Variants in FAM118B observed in about 807,000 individuals in gnomAD.
FAM118B encodes the protein SIR2 antiphage like 1.
FAM118B carries 24 observed loss-of-function variants against 38.5 expected under a neutral mutation model. That is an observed-to-expected ratio of 0.62 (90% CI 0.45 to 0.88). The LOEUF (loss-of-function observed/expected upper bound fraction) is 0.88. FAM118B is among the 40% of genes least tolerant of loss of function. The pLI, the probability that FAM118B is intolerant of heterozygous loss-of-function variation, is 0.00. For missense variants in FAM118B, 334 were observed against 420.0 expected, an observed-to-expected ratio of 0.80 and a Z score of 1.79; for synonymous variants, 138 against 156.3, an observed-to-expected ratio of 0.88 and a Z score of 0.87.
At chr11:126,239,491 A>T (rs1950327477) in intron 3 of FAM118B, among the ~76,000 whole-genome samples, 1 of 151,962 alleles carries the variant, frequency 6.6e-6, no homozygotes, top group Admixed American at 6.6e-5. Context: ...ACTGAAACTC[A>T]TTTTTCATCA....
intron 1 of FAM118B, among the ~76,000 whole-genome samples, chr11:126,221,888 C>T (rs1256293642): frequency 6.6e-6 from 1 of 151,964 alleles, no homozygotes; most frequent in East Asian, 1.9e-4. Flanking sequence ...ATTTATCTCC[C>T]ATAAAGCTTT....
intron 7 of FAM118B, among the ~76,000 whole-genome samples, chr11:126,258,124 A>G (rs1950609472): frequency 6.6e-6 from 1 of 152,206 alleles, no homozygotes; most frequent in Non-Finnish European, 1.5e-5. Flanking sequence ...GCAAAAGTAC[A>G]GGTAATTTGT....
At chr11:126,226,884 C>T (rs1039992819) in intron 1 of FAM118B, among the ~76,000 whole-genome samples, 1 of 149,776 alleles carries the variant, frequency 6.7e-6, no homozygotes, top group African/African-American at 2.5e-5. Context: ...GAGGGAGGAT[C>T]ACCAAGCCTG....
chr11:126,217,321 T>G (rs938340159), intron 1 of FAM118B, among the ~76,000 whole-genome samples: 2 of 152,232 alleles, frequency 1.3e-5, no homozygotes, highest in Non-Finnish European at 2.9e-5. Flanking sequence ...AGATTTGTAT[T>G]TAGCTCTTGC....
At chr11:126,260,589 C>G (rs980379171) in intron 7 of FAM118B, 17 of 152,098 alleles carry the variant, frequency 1.1e-4, no homozygotes, top group Non-Finnish European at 7.3e-5. Flanking sequence ...GTGAAAATAA[C>G]ATCTGTATCT....
chr11:126,237,542 T>A (rs1950292722), intron 3 of FAM118B, among the ~76,000 whole-genome samples: 1 of 141,566 alleles, frequency 7.1e-6, no homozygotes, highest in Non-Finnish European at 1.5e-5. Context: ...CTGGCCAATT[T>A]TAAAAAAATC....
intron 1 of FAM118B, among the ~76,000 whole-genome samples, chr11:126,214,992 T>C (rs193162389): frequency 6.6e-6 from 1 of 152,314 alleles, no homozygotes. Flanking sequence ...TTCCATTTCC[T>C]TGAAGAGCAG....
chr11:126,259,894 G>T (rs1035694621), intron 7 of FAM118B, among the ~76,000 whole-genome samples: 9 of 150,002 alleles, frequency 6.0e-5, no homozygotes, highest in African/African-American at 2.2e-4. Flanking sequence ...CTAATTTTTT[G>T]TATTTTTAGT....
At chr11:126,231,948 T>A (rs537270569) in intron 2 of FAM118B, among the ~76,000 whole-genome samples, 2 of 152,290 alleles carry the variant, frequency 1.3e-5, no homozygotes, top group East Asian at 3.9e-4. Context: ...ATCAATGGAG[T>A]ACCTAGTTAA....
At chr11:126,227,477 A>G (rs1362143708) in intron 1 of FAM118B, among the ~76,000 whole-genome samples, 2 of 152,196 alleles carry the variant, frequency 1.3e-5, no homozygotes, top group African/African-American at 4.8e-5. Context: ...ATCTGTCTAA[A>G]ATGTTGTACA....
rs1424907554 is a variant in FAM118B, at chr11:126,254,396, C to T, written c.659C>T (p.Ala220Val). The change falls in exon 6 of 9, where the codon GCT becomes GTT. Residue 220 changes from alanine to valine, a missense_variant. Physicochemically the swap from Ala to Val is moderately conservative, Grantham distance 64. This residue lies in a region of FAM118B where 240 missense variants were observed against 295.9 expected (regional missense o/e 0.81). Coordinates refer to ENST00000533050, the MANE Select transcript of FAM118B (RefSeq NM_024556.4). ...CCTAGTGGCATTGTCCTTCATCCGG[C>T]TGGATATCAGAACGTGCTCAGGAAC... Reference protein sequence around the residue: ...TNPSGIVLHPAGYQNVLRNTE... With the variant: ...TNPSGIVLHPVGYQNVLRNTE... The T allele has an allele frequency of 1.2e-6, 2 of 1,614,226 alleles. No homozygotes were observed. The highest frequency in any genetic ancestry group is 2.7e-5 in the African/African-American group (2 of 75,066).
At chr11:126,261,523 C>A in intron 8 of FAM118B, 39 bp downstream of exon 8, 1 of 1,540,928 alleles carries the variant, frequency 6.5e-7, no homozygotes, top group Non-Finnish European at 9.0e-7. Flanking sequence ...CACTCTGTAG[C>A]AGAAAGTCTT....
intron 1 of FAM118B, among the ~76,000 whole-genome samples, chr11:126,219,016 C>T (rs1257006220): frequency 6.6e-6 from 1 of 152,064 alleles, no homozygotes; most frequent in African/African-American, 2.4e-5. Flanking sequence ...AGAGAATTTG[C>T]GCATTAGTTA....
intron 4 of FAM118B, among the ~76,000 whole-genome samples, chr11:126,243,450 C>T (rs946043089): frequency 2.0e-5 from 3 of 150,588 alleles, no homozygotes; most frequent in African/African-American, 7.3e-5. Flanking sequence ...GGTGACAGAG[C>T]AAGACCCTGT....
At chr11:126,230,541 T>A (rs1395964289) in intron 2 of FAM118B, among the ~76,000 whole-genome samples, 2 of 152,282 alleles carry the variant, frequency 1.3e-5, no homozygotes, top group Non-Finnish European at 2.9e-5. Context: ...GGAAGCTTGC[T>A]GATCCTTTTA....
intron 3 of FAM118B, among the ~76,000 whole-genome samples, chr11:126,239,847 A>G (rs1365934813): frequency 6.6e-6 from 1 of 152,172 alleles, no homozygotes; most frequent in Non-Finnish European, 1.5e-5. Flanking sequence ...GACTGAATGC[A>G]GAAGCTCGGG....
In FAM118B at chr11:126,256,762, A is replaced by G; in HGVS notation, c.892A>G (p.Ile298Val). 6.2e-7 allele frequency: 1 copy of G among 1,614,118 alleles called. No individual in the cohort carries two copies. The highest frequency in any genetic ancestry group is 1.6e-4 in the Middle Eastern group (1 of 6,062). ...TCGAGAAAACATGCTGGACAAGGGGATTAAAGTCATCTCCTATGGAGATGA... is the reference window on the plus strand; with the variant it reads ...TCGAGAAAACATGCTGGACAAGGGGGTTAAAGTCATCTCCTATGGAGATGA... The part of the protein sequence containing the change: ...KLRENMLDKG[I>V]KVISYGDDYA... Residue 298 changes from isoleucine (I) to valine (V), a missense_variant, in exon 7 of 9, where the codon ATT becomes GTT. By Grantham distance (29) the Ile-to-Val change is conservative. Transcript: ENST00000533050. The surrounding 1 kb of genome is among the most constrained non-coding windows in gnomAD (Gnocchi z 6.6).
rs772808617 is a variant in FAM118B at position 126,235,064 on chromosome 11, C to A, written c.63C>A (p.Gly21=). ...IDEIFGFFND[G]EPPTKKPRKL... ...AGATTTTTGGATTCTTCAACGATGG[C>A]GAACCTCCCACCAAAAAGCCCAGGT... The change falls in exon 3 of 9, where the codon GGC becomes GGA. Residue 21 remains glycine, a synonymous_variant. Coordinates refer to ENST00000533050, the MANE Select transcript of FAM118B (RefSeq NM_024556.4). The A allele has an allele frequency of 1.9e-6, 3 of 1,613,944 alleles. No individual in the cohort carries two copies. Among genetic ancestry groups the A allele is most frequent in the Non-Finnish European group, 2.5e-6 (3 of 1,179,948 alleles).
rs754882335 is a variant in FAM118B at position 126,234,999 on chromosome 11, T to C, written c.-3T>C. ...ATGGTGTTTAATCTATTTTAGAAAC[T>C]GGATGGCTTCTACAGGGAGCCAGGC... On this transcript the variant is annotated 5_prime_UTR_variant, in exon 3 of 9. Transcript: ENST00000533050. 6.2e-7 allele frequency: 1 copy of C among 1,612,980 alleles called. No homozygotes were observed. Among genetic ancestry groups the C allele is most frequent in the South Asian group, 1.1e-5 (1 of 91,030 alleles).
Sources: allele counts gnomAD v4.1 joint callset (sites outside exome capture counted in the v4.1 genomes callset), GRCh38; gene constraint gnomAD v4.1.1; regional missense constraint gnomAD v4.1.1; non-coding constraint Gnocchi (gnomAD v3.1); transcripts MANE v1.5; gene names NCBI Gene and HGNC (gene_info 2026-07-23, HGNC 2026-07-21).